The following RMDN2 variants were observed in gnomAD, a reference collection of about 807,000 sequenced individuals.
RMDN2 encodes regulator of microtubule dynamics 2.
A neutral mutation model predicts 52.8 loss-of-function variants in RMDN2; 61 were observed. The ratio of observed to expected loss-of-function variants is 1.16; its 90% CI spans 0.94 to 1.43. The LOEUF (loss-of-function observed/expected upper bound fraction) is 1.43. RMDN2 is among the 40% of genes most tolerant of loss of function. RMDN2 has a pLI of 0.00. For missense variants in RMDN2, 592 were observed against 475.3 expected (o/e 1.25, Z -2.28); for synonymous variants, 180 against 153.1 (o/e 1.18, Z -1.30).
intron 10 of RMDN2, among the ~76,000 whole-genome samples, chr2:38,045,164 A>T (rs1681195761): frequency 6.6e-6 from 1 of 152,314 alleles, no homozygotes; most frequent in African/African-American, 2.4e-5. Flanking sequence ...GAAAATACGT[A>T]ATTTAAATAG....
intron 2 of RMDN2, among the ~76,000 whole-genome samples, chr2:37,970,437 G>C (rs1671647202): frequency 6.6e-6 from 1 of 152,092 alleles, no homozygotes; most frequent in African/African-American, 2.4e-5. Context: ...TAGCTTGATT[G>C]ATATTTTATT....
rs372129048 is a variant in RMDN2 at position 37,995,465 on chromosome 2, G to T, written c.946-1951G>T. ...TCACAAGGAAAGTGTTTATAAACTA[G>T]TGTGCTTGTAATAACAGCCTCAGAA... On this transcript the variant is annotated intron_variant, in intron 7 of 10. Transcript: ENST00000354545. 1.1e-4 allele frequency among the ~76,000 whole-genome samples: 17 copies of T among 152,232 alleles called. No individual in the cohort carries two copies. The East Asian group carries it at 2.3e-3, about 21-fold the overall frequency.
rs1256978419 is a variant in RMDN2, at chr2:38,017,182, A to G, written c.1180-4A>G. The G allele has an allele frequency of 1.3e-6, 2 of 1,507,402 alleles. No individual in the cohort carries two copies. The highest frequency in any genetic ancestry group is 2.5e-5 in the South Asian group (2 of 79,658). 93.4% of individuals were successfully genotyped at this position (1,507,402 alleles called of 1,614,324 possible). On this transcript the variant is annotated splice_polypyrimidine_tract_variant and splice_region_variant and intron_variant, in intron 10 of 10. Coordinates refer to ENST00000354545, the MANE Select transcript of RMDN2 (RefSeq NM_001170791.3). ...TTCATTATGTATTTGTATTTTCTTTATAGGATAAAGAGGCACAGAAAGAGA... is the reference window on the plus strand; with the variant it reads ...TTCATTATGTATTTGTATTTTCTTTGTAGGATAAAGAGGCACAGAAAGAGA...
intron 4 of RMDN2, among the ~76,000 whole-genome samples, chr2:37,980,553 C>G (rs967879605): frequency 6.6e-6 from 1 of 152,192 alleles, no homozygotes; most frequent in African/African-American, 2.4e-5. Flanking sequence ...ATCCACCTGC[C>G]TCGGCCTCCC....
At chr2:37,924,713 C>G (rs954803490), upstream of RMDN2, among the ~76,000 whole-genome samples, 4 of 152,230 alleles carry the variant, frequency 2.6e-5, no homozygotes, top group African/African-American at 9.6e-5. Flanking sequence ...TTATACAAAC[C>G]ACAGAAAGCT....
At chr2:37,948,768 C>T (rs1011659487) in intron 2 of RMDN2, among the ~76,000 whole-genome samples, 3 of 152,114 alleles carry the variant, frequency 2.0e-5, no homozygotes, top group African/African-American at 7.2e-5. Context: ...CCCAAATGCG[C>T]ACACACCTAA....
intron 2 of RMDN2, among the ~76,000 whole-genome samples, chr2:37,935,633 A>G (rs1375613456): frequency 1.3e-5 from 2 of 152,202 alleles, no homozygotes; most frequent in Non-Finnish European, 2.9e-5. Flanking sequence ...TCTTCCTTTG[A>G]AAGTGTTAAT....
chr2:37,932,375 G>A (rs1405928223), intron 2 of RMDN2, among the ~76,000 whole-genome samples: 2 of 151,824 alleles, frequency 1.3e-5, no homozygotes, highest in Admixed American at 1.3e-4. Flanking sequence ...GCACAGGGTT[G>A]GGGGTAAGGT....
intron 10 of RMDN2, among the ~76,000 whole-genome samples, chr2:38,014,805 A>G (rs193139088): frequency 1.3e-5 from 2 of 152,328 alleles, no homozygotes; most frequent in Non-Finnish European, 2.9e-5. Flanking sequence ...ATACAAAGAG[A>G]AAAAAACAGA....
chr2:38,036,909 A>T (rs1162388704), intron 10 of RMDN2: 1 of 152,274 alleles, frequency 6.6e-6, no homozygotes, highest in African/African-American at 2.4e-5. Context: ...AAGATGACCA[A>T]GGCTGTCTCA....
At chr2:38,067,130 C>A in exon 11 of RMDN2, 1 of 803,068 alleles carries the variant, frequency 1.2e-6, no homozygotes, top group Non-Finnish European at 2.2e-6. Flanking sequence ...AAAACATTTC[C>A]ACATAGTACA....
chr2:37,972,701 G>A (rs1466424695), intron 2 of RMDN2, among the ~76,000 whole-genome samples: 1 of 152,138 alleles, frequency 6.6e-6, no homozygotes, highest in African/African-American at 2.4e-5. Flanking sequence ...AGATGATGGA[G>A]GCTTAGACCA....
chr2:37,927,084 C>CA (rs1329195345), intron 1 of RMDN2, among the ~76,000 whole-genome samples: 30 of 152,202 alleles, frequency 2.0e-4, no homozygotes, highest in African/African-American at 6.8e-4. Flanking sequence ...TTATAAAACT[C>CA]AAACATAGCT....
intron 2 of RMDN2, among the ~76,000 whole-genome samples, chr2:37,938,283 T>C (rs531951710): frequency 1.3e-5 from 2 of 152,352 alleles, no homozygotes; most frequent in South Asian, 2.1e-4. Flanking sequence ...GATGTGCTGC[T>C]GGATTTGGTT....
intron 4 of RMDN2, 24 bp from the exon 5 acceptor site, chr2:37,981,259 A>C: frequency 7.2e-7 from 1 of 1,397,172 alleles, no homozygotes; most frequent in Non-Finnish European, 1.0e-6. Context: ...GAAGGTATTA[A>C]GTGTAAGTAC....
chr2:37,951,904 G>C, intron 2 of RMDN2: 2 of 1,613,216 alleles, frequency 1.2e-6, no homozygotes, highest in Non-Finnish European at 1.7e-6. Flanking sequence ...CAACAAAATG[G>C]AATTGCCAAT....
intron 8 of RMDN2, among the ~76,000 whole-genome samples, chr2:38,002,467 A>G (rs914486794): frequency 5.9e-5 from 9 of 151,600 alleles, no homozygotes; most frequent in East Asian, 5.8e-4. Flanking sequence ...TGTGTTTGTA[A>G]TATGGGAAAA....
At chr2:37,963,299 C>T (rs1306373194) in intron 2 of RMDN2, 1 of 139,808 alleles carries the variant, frequency 7.2e-6, no homozygotes, top group Non-Finnish European at 1.5e-5. Flanking sequence ...ATTAATTTGG[C>T]TTCATACACG....
intron 2 of RMDN2, among the ~76,000 whole-genome samples, chr2:37,947,417 T>C (rs1399465928): frequency 6.6e-6 from 1 of 152,208 alleles, no homozygotes; most frequent in African/African-American, 2.4e-5. Flanking sequence ...ATTTAATATG[T>C]ATAAAATAAC....
Sources: allele counts gnomAD v4.1 joint callset (sites outside exome capture counted in the v4.1 genomes callset), GRCh38; gene constraint gnomAD v4.1.1; transcripts MANE v1.5; gene names NCBI Gene and HGNC (gene_info 2026-07-23, HGNC 2026-07-21).